Variants in CHSY3 observed in about 807,000 individuals in gnomAD.
CHSY3 encodes the protein chondroitin sulfate synthase 3.
Under a neutral mutation model 67.2 loss-of-function variants are expected in CHSY3, and 35 were observed. The observed-to-expected ratio is 0.52, with a 90% CI of 0.40 to 0.69. CHSY3 has a LOEUF of 0.69. Among genes scored for constraint, CHSY3 ranks in the 30% least tolerant of loss-of-function variants. The pLI is 0.00. For synonymous variants in CHSY3, 474 were observed against 434.7 expected, an observed-to-expected ratio of 1.09 and a Z score of -1.12; for missense variants, 1,069 against 1,138.5, an observed-to-expected ratio of 0.94 and a Z score of 0.88.
chr5:130,089,299 C>G (rs913059068), intron 2 of CHSY3, among the ~76,000 whole-genome samples: 1 of 150,748 alleles, frequency 6.6e-6, no homozygotes, highest in African/African-American at 2.4e-5. Flanking sequence ...GTGCAGCACA[C>G]CAGCATGGCA....
chr5:130,154,945 G>C (rs572840894), intron 2 of CHSY3, among the ~76,000 whole-genome samples: 10 of 152,220 alleles, frequency 6.6e-5, no homozygotes, highest in African/African-American at 1.9e-4. Flanking sequence ...TGATTCACTA[G>C]GTTTGGGGTG....
intron 2 of CHSY3, among the ~76,000 whole-genome samples, chr5:129,914,414 A>C (rs1014228650): frequency 1.3e-5 from 2 of 152,182 alleles, no homozygotes; most frequent in Non-Finnish European, 2.9e-5. Flanking sequence ...CGCCCAGCCA[A>C]ATTTCCCTCT....
intron 2 of CHSY3, among the ~76,000 whole-genome samples, chr5:130,037,199 C>G (rs1235224607): frequency 6.6e-6 from 1 of 152,114 alleles, no homozygotes; most frequent in African/African-American, 2.4e-5. Flanking sequence ...GAACCCACCT[C>G]TTGACCTAGA....
In CHSY3 at chr5:130,115,225, A is replaced by G. The variant is rs573739719; in HGVS notation, c.1087-69004A>G. 3.3e-5 allele frequency among the ~76,000 whole-genome samples: 5 copies of G among 152,098 alleles called. 1 individual carries two copies. The highest frequency in any genetic ancestry group is 1.2e-4 in the African/African-American group (5 of 41,504). On this transcript the variant is annotated intron_variant, in intron 2 of 2. Coordinates refer to ENST00000305031, the MANE Select transcript of CHSY3 (RefSeq NM_175856.5). ...TAACACTTCAAAAAGAAAGGTTTAT[A>G]GTTCTTTTTTCCCCCCATTTTTTTC...
intron 2 of CHSY3, among the ~76,000 whole-genome samples, chr5:130,149,075 G>A (rs1769157750): frequency 6.6e-6 from 1 of 152,154 alleles, no homozygotes; most frequent in Non-Finnish European, 1.5e-5. Flanking sequence ...TTGTGTATAT[G>A]TTGTAAGGAA....
In CHSY3 at chr5:130,185,174, C is replaced by A. The variant is rs762712266; in HGVS notation, c.2032C>A (p.Gln678Lys). 5.6e-6 allele frequency: 9 copies of A among 1,607,526 alleles called. No homozygotes were observed. The highest frequency in any genetic ancestry group is 3.3e-5 in the Admixed American group (2 of 59,962). ...SKHIELIKGY[Q>K]NKYPKAEMTL... ...GCATATTGAGCTGATAAAAGGGTAC[C>A]AGAACAAGTACCCCAAAGCAGAAAT... is the stretch of plus-strand genomic sequence containing the variant. The change falls in exon 3 of 3, where the codon CAG becomes AAG. Residue 678 changes from glutamine to lysine, a missense_variant. Coordinates refer to ENST00000305031, the MANE Select transcript of CHSY3 (RefSeq NM_175856.5).
At chr5:130,067,138 TG>T (rs1190404431) in intron 2 of CHSY3, among the ~76,000 whole-genome samples, 3 of 152,176 alleles carry the variant, frequency 2.0e-5, no homozygotes, top group Non-Finnish European at 4.4e-5. Context: ...CATCTTAGTT[TG>T]CTGAAACTCA....
intron 2 of CHSY3, among the ~76,000 whole-genome samples, chr5:130,183,616 A>G (rs1770314915): frequency 6.6e-6 from 1 of 152,018 alleles, no homozygotes; most frequent in Non-Finnish European, 1.5e-5. Context: ...TTGTTGTTTT[A>G]TGTATAGCTA....
chr5:129,917,276 A>G (rs188802120), intron 2 of CHSY3, among the ~76,000 whole-genome samples: 1 of 152,294 alleles, frequency 6.6e-6, no homozygotes, highest in East Asian at 1.9e-4. Context: ...ACCCCCATGG[A>G]TACTAAAATC....
At chr5:130,009,523 A>G in intron 2 of CHSY3, among the ~76,000 whole-genome samples, 1 of 152,052 alleles carries the variant, frequency 6.6e-6, no homozygotes, top group East Asian at 1.9e-4. Flanking sequence ...AAGAAGAAAG[A>G]AAGAAAAAAG....
chr5:130,163,584 A>G (rs1031192135), intron 2 of CHSY3, among the ~76,000 whole-genome samples: 2 of 152,056 alleles, frequency 1.3e-5, no homozygotes, highest in African/African-American at 4.8e-5. Context: ...GAGAAAACCT[A>G]TTTTTTCTTC....
chr5:129,908,002 T>G, intron 1 of CHSY3, 75 bp from the exon 2 acceptor site: 1 of 1,530,988 alleles, frequency 6.5e-7, no homozygotes, highest in Non-Finnish European at 8.8e-7. Flanking sequence ...TGTTGAAAGT[T>G]CTGTCCCTTA....
chr5:129,913,032 C>T (rs551451623), intron 2 of CHSY3, among the ~76,000 whole-genome samples: 1 of 152,340 alleles, frequency 6.6e-6, no homozygotes, highest in South Asian at 2.1e-4. Flanking sequence ...AAAGATCACA[C>T]TTTTGGTTGA....
At chr5:130,036,866 C>A (rs926084569) in intron 2 of CHSY3, among the ~76,000 whole-genome samples, 2 of 152,042 alleles carry the variant, frequency 1.3e-5, no homozygotes, top group Non-Finnish European at 2.9e-5. Flanking sequence ...TCCACAACTC[C>A]TTGTCAGTGA....
intron 2 of CHSY3, among the ~76,000 whole-genome samples, chr5:130,101,841 A>G (rs1319727400): frequency 6.6e-6 from 1 of 152,164 alleles, no homozygotes; most frequent in Non-Finnish European, 1.5e-5. Flanking sequence ...CCATTGGTTA[A>G]AAATTACACC....
chr5:129,948,818 C>A (rs551428390), intron 2 of CHSY3, among the ~76,000 whole-genome samples: 1 of 152,278 alleles, frequency 6.6e-6, no homozygotes, highest in East Asian at 1.9e-4. Context: ...TAAAAGTGTT[C>A]CCTTTGCACC....
intron 2 of CHSY3, among the ~76,000 whole-genome samples, chr5:129,923,509 T>C (rs1334524815): frequency 6.6e-6 from 1 of 152,126 alleles, no homozygotes; most frequent in African/African-American, 2.4e-5. Flanking sequence ...CCTAACTTAT[T>C]TTATAATGGG....
At chr5:130,145,664 G>A (rs1769051325) in intron 2 of CHSY3, among the ~76,000 whole-genome samples, 1 of 152,128 alleles carries the variant, frequency 6.6e-6, no homozygotes, top group African/African-American at 2.4e-5. Flanking sequence ...AGGAGACAAT[G>A]TAGACAATGG....
chr5:129,985,723 A>G (rs1044917185), intron 2 of CHSY3, among the ~76,000 whole-genome samples: 3 of 151,998 alleles, frequency 2.0e-5, no homozygotes, highest in Non-Finnish European at 4.4e-5. Flanking sequence ...TGTAATTAGT[A>G]TTGAACTGAT....
Sources: gnomAD v4.1 joint callset for allele counts (sites outside exome capture counted in the v4.1 genomes callset) on GRCh38, gnomAD v4.1.1 for gene constraint, MANE v1.5 for transcripts, NCBI Gene and HGNC (gene_info 2026-07-23, HGNC 2026-07-21) for gene names.